The following PCGF3 variants were observed in gnomAD, a reference collection of about 807,000 sequenced individuals.
PCGF3 encodes polycomb group ring finger 3, also known as polycomb group RING finger protein 3.
PCGF3 carries 7 observed loss-of-function variants against 33.1 expected under a neutral mutation model. The ratio of observed to expected loss-of-function variants is 0.21; its 90% confidence interval spans 0.12 to 0.40. The LOEUF (loss-of-function observed/expected upper bound fraction) is 0.40. Among genes scored for constraint, PCGF3 ranks in the 10% least tolerant of loss-of-function variants. The pLI, the probability that PCGF3 is intolerant of heterozygous loss-of-function variation, is 1.00. For missense variants in PCGF3, 211 were observed against 313.3 expected, an observed-to-expected ratio of 0.67 and a Z score of 2.46; for synonymous variants, 153 against 121.3, an observed-to-expected ratio of 1.26 and a Z score of -1.72.
chr4:748,944 G>A (rs1744391836), intron 8 of PCGF3, among the ~76,000 whole-genome samples: 1 of 152,182 alleles, frequency 6.6e-6, no homozygotes, highest in Non-Finnish European at 1.5e-5. Context: ...CCAGAGGGGT[G>A]CAGGCTGCTG....
chr4:730,754 C>G (rs1159217468), intron 2 of PCGF3, 86 bp downstream of exon 2: 6 of 347,142 alleles, frequency 1.7e-5, no homozygotes, highest in Non-Finnish European at 2.6e-5. Flanking sequence ...TGCATGTGGT[C>G]GGCGTTCCTT....
intron 8 of PCGF3, among the ~76,000 whole-genome samples, chr4:750,742 T>C (rs917298757): frequency 2.6e-5 from 4 of 152,212 alleles, no homozygotes; most frequent in African/African-American, 9.7e-5. Context: ...CGTGTCTCTG[T>C]AACCTCGCGG....
intron 6 of PCGF3, among the ~76,000 whole-genome samples, chr4:741,239 TC>T (rs1371471150): frequency 6.6e-6 from 1 of 152,184 alleles, no homozygotes; most frequent in Non-Finnish European, 1.5e-5. Flanking sequence ...GAATGTCTCA[TC>T]ACAGCAGAAT....
chr4:759,951 C>CGCGCGGCCCCTCTCCCG (rs576007416), intron 8 of PCGF3, among the ~76,000 whole-genome samples: 28 of 140,542 alleles, frequency 2.0e-4, no homozygotes, highest in South Asian at 7.5e-4. Flanking sequence ...TCTTTCTCCC[C>CGCGCGGCCCCTCTCCCG]ACGGCCTCTC....
intron 3 of PCGF3, among the ~76,000 whole-genome samples, chr4:732,117 G>A (rs373858627): frequency 0.029 from 1,349 of 45,938 alleles, 182 homozygotes; most frequent in South Asian, 0.053. Flanking sequence ...GTGGGTGGGC[G>A]TGGTCCTCAG....
At chr4:737,392 T>C (rs1224912423) in intron 5 of PCGF3, 74 bp from the exon 6 acceptor site, 1 of 978,808 alleles carries the variant, frequency 1.0e-6, no homozygotes, top group Admixed American at 1.8e-5. Flanking sequence ...ACTTTGATAT[T>C]GTTAAATGGA....
rs180955107 is a variant in PCGF3, at chr4:750,267, C to G, written c.462+5579C>G. ...AGTTTGTTCTGAAACATTTGAGTAACGTGGCCTTTTTGGGTTCCATCCACT... is the reference window on the plus strand; with the variant it reads ...AGTTTGTTCTGAAACATTTGAGTAAGGTGGCCTTTTTGGGTTCCATCCACT... On this transcript the variant is annotated intron_variant, in intron 8 of 10. Transcript: ENST00000362003. 1.5e-3 allele frequency among the ~76,000 whole-genome samples: 229 copies of G among 152,340 alleles called. 1 individual carries two copies. The highest frequency in any genetic ancestry group is 5.3e-3 in the African/African-American group (219 of 41,574).
chr4:756,107 G>A (rs1259356638), intron 8 of PCGF3, among the ~76,000 whole-genome samples: 1 of 151,044 alleles, frequency 6.6e-6, no homozygotes, highest in East Asian at 1.9e-4. Flanking sequence ...TAGAGACGGG[G>A]TTTCTCCATG....
chr4:718,875 G>T (rs1244077577), intron 1 of PCGF3, among the ~76,000 whole-genome samples: 1 of 152,220 alleles, frequency 6.6e-6, no homozygotes, highest in Admixed American at 6.5e-5. Flanking sequence ...ACTGTCTTTC[G>T]AGTCATGGAC....
At chr4:742,226 C>A (rs1486341897) in intron 6 of PCGF3, among the ~76,000 whole-genome samples, 2 of 150,360 alleles carry the variant, frequency 1.3e-5, no homozygotes, top group African/African-American at 2.5e-5. Context: ...CCTCTCTCCC[C>A]AGGCTCTCGG....
intron 8 of PCGF3, among the ~76,000 whole-genome samples, chr4:760,962 C>G (rs542534355): frequency 1.3e-5 from 2 of 152,348 alleles, no homozygotes; most frequent in Admixed American, 6.5e-5. Flanking sequence ...TTTGTCCGGA[C>G]AGGCTTAGCT....
intron 6 of PCGF3, among the ~76,000 whole-genome samples, chr4:741,430 G>C (rs941277966): frequency 6.6e-6 from 1 of 152,134 alleles, no homozygotes; most frequent in African/African-American, 2.4e-5. Context: ...TTTTTGAGAC[G>C]GAGTTTTGCT....
intron 8 of PCGF3, among the ~76,000 whole-genome samples, chr4:754,247 G>A (rs1744666321): frequency 6.6e-6 from 1 of 152,208 alleles, no homozygotes; most frequent in Non-Finnish European, 1.5e-5. Context: ...AATGGCTCTT[G>A]TGTCTGGAGC....
At chr4:708,898 A>C (rs1385580763) in intron 1 of PCGF3, among the ~76,000 whole-genome samples, 1 of 152,198 alleles carries the variant, frequency 6.6e-6, no homozygotes, top group Non-Finnish European at 1.5e-5. Context: ...CTAGTAAGGG[A>C]AGGAATTAAA....
intron 1 of PCGF3, among the ~76,000 whole-genome samples, chr4:723,243 C>T (rs1709219918): frequency 6.6e-6 from 1 of 152,250 alleles, no homozygotes; most frequent in South Asian, 2.1e-4. Context: ...TTTCTGAAGG[C>T]TCCTAGCCGC....
intron 8 of PCGF3, among the ~76,000 whole-genome samples, chr4:755,196 A>C (rs900692058): frequency 6.6e-6 from 1 of 152,146 alleles, no homozygotes; most frequent in Non-Finnish European, 1.5e-5. Flanking sequence ...TTTTACACTT[A>C]ATTTCCCATC....
chr4:735,163 C>T, intron 5 of PCGF3, 136 bp downstream of exon 5: 2 of 949,720 alleles, frequency 2.1e-6, no homozygotes, highest in Non-Finnish European at 3.1e-6. Context: ...AAGGGCACCC[C>T]AGGAGCTGCA....
intron 8 of PCGF3, among the ~76,000 whole-genome samples, chr4:755,930 T>G (rs1459838994): frequency 9.6e-4 from 112 of 116,068 alleles, no homozygotes; most frequent in African/African-American, 4.3e-3. Flanking sequence ...TTTTTTTTTT[T>G]TTGGAGATGG....
intron 3 of PCGF3, 126 bp from the exon 4 acceptor site, chr4:733,546 A>C: frequency 2.2e-6 from 2 of 920,454 alleles, no homozygotes; most frequent in South Asian, 3.4e-5. Flanking sequence ...CGTGAGCCCA[A>C]GAGGCTCCTG....
Sources: allele counts gnomAD v4.1 joint callset (sites outside exome capture counted in the v4.1 genomes callset), GRCh38; gene constraint gnomAD v4.1.1; transcripts MANE v1.5; gene names NCBI Gene and HGNC (gene_info 2026-07-23, HGNC 2026-07-21).